The following ENOSF1 variants were observed in gnomAD, a reference collection of about 807,000 sequenced individuals.
The protein encoded by ENOSF1 is mitochondrial enolase superfamily member 1.
ENOSF1 carries 73 observed loss-of-function variants against 68.2 expected under a neutral mutation model. That is an observed-to-expected ratio of 1.07 (90% CI 0.89 to 1.30). ENOSF1 has a LOEUF of 1.30. ENOSF1 is among the 50% of genes most tolerant of loss of function. The pLI, the probability that ENOSF1 is intolerant of heterozygous loss-of-function variation, is 0.00. For synonymous variants in ENOSF1, 223 were observed against 210.4 expected (o/e 1.06, Z -0.52); for missense variants, 589 against 554.5 (o/e 1.06, Z -0.62).
At chr18:681,629 G>A (rs765998689) in intron 11 of ENOSF1, among the ~76,000 whole-genome samples, 11 of 152,134 alleles carry the variant, frequency 7.2e-5, no homozygotes, top group Admixed American at 3.9e-4. Context: ...GGCTGTGGTC[G>A]CTCCATGGCT....
intron 2 of ENOSF1, among the ~76,000 whole-genome samples, chr18:704,649 A>G (rs1051152344): frequency 4.6e-5 from 6 of 131,018 alleles, no homozygotes; most frequent in African/African-American, 1.5e-4. Flanking sequence ...TTTTTCACCC[A>G]GGCTGGAGTG....
Position 703,465 on chromosome 18 carries a change from C to T in ENOSF1, c.193+3005G>A, listed in dbSNP as rs559041156. On this transcript the variant is annotated intron_variant, in intron 2 of 15. Coordinates refer to ENST00000647584, the MANE Select transcript of ENOSF1 (RefSeq NM_017512.7). ...GGGTTTGCAGTATGGAGAAAGGCAG[C>T]GGCTTCATAAAGTACTCAACTTACA... Among the ~76,000 whole-genome samples the T allele has an allele frequency of 7.2e-5, 11 of 152,240 alleles. No homozygotes were observed. The South Asian group carries it at 8.3e-4, about 11-fold the overall frequency.
At chr18:664,944 A>G in the ENOSF1 span, among the ~76,000 whole-genome samples, 4 of 145,198 alleles carry the variant, frequency 2.8e-5, no homozygotes, top group Non-Finnish European at 4.5e-5. Flanking sequence ...GGAATTTTGC[A>G]TCAATGTTCA....
intron 12 of ENOSF1, 169 bp from the exon 13 acceptor site, chr18:678,041 T>C (rs988220443): frequency 1.4e-6 from 1 of 715,560 alleles, no homozygotes; most frequent in East Asian, 3.1e-5. Context: ...CGAGCTTTTA[T>C]AGCGTGGGCA....
downstream of ENOSF1, among the ~76,000 whole-genome samples, chr18:666,974 GAGA>G (rs1567989674): frequency 0.022 from 191 of 8,568 alleles, 7 homozygotes; most frequent in Non-Finnish European, 0.035. Context: ...GATGGTGATG[GAGA>G]TGGAGATGGT....
downstream of ENOSF1, chr18:669,104 A>G (rs1300447329): frequency 1.2e-6 from 2 of 1,614,230 alleles, no homozygotes; most frequent in Non-Finnish European, 1.7e-6. Context: ...CCAACTGCAA[A>G]GAGTGATTGA....
At chr18:685,026 ATT>A (rs11384156) in intron 10 of ENOSF1, among the ~76,000 whole-genome samples, 1 of 151,702 alleles carries the variant, frequency 6.6e-6, no homozygotes, top group South Asian at 2.1e-4. Flanking sequence ...CACCTGGTTA[ATT>A]TTTTTTCTTC....
At chr18:683,999 CT>C (rs56675684) in intron 10 of ENOSF1, among the ~76,000 whole-genome samples, 23,457 of 143,782 alleles carry the variant, frequency 0.16, 1,898 homozygotes, top group Admixed American at 0.24. Context: ...TTTTCTTTTT[CT>C]TTTTTTTTTT....
intron 12 of ENOSF1, chr18:678,476 A>G: frequency 1.9e-6 from 1 of 531,068 alleles, no homozygotes; most frequent in South Asian, 3.1e-5. Context: ...TTTGAAAAAG[A>G]TACCCGACCT....
At chr18:680,515 CCT>C (rs1275453429) in intron 11 of ENOSF1, among the ~76,000 whole-genome samples, 1 of 152,028 alleles carries the variant, frequency 6.6e-6, no homozygotes, top group East Asian at 1.9e-4. Context: ...CTGCCCTCTC[CCT>C]TTATCTCTCT....
intron 9 of ENOSF1, chr18:686,875 C>G (rs1043173828): frequency 1.3e-5 from 2 of 152,272 alleles, no homozygotes; most frequent in Non-Finnish European, 2.9e-5. Context: ...CTGTTCTCTT[C>G]TGTACCAGCT....
At chr18:690,495 A>C in intron 8 of ENOSF1, 54 bp downstream of exon 8, 3 of 1,599,168 alleles carry the variant, frequency 1.9e-6, no homozygotes, top group East Asian at 2.2e-5. Flanking sequence ...AGAAGGAAAA[A>C]CAGGTTGGTT....
chr18:675,413 G>A lies in ENOSF1; in HGVS notation c.1149-11C>T. The A allele has an allele frequency of 6.2e-7, 1 of 1,610,236 alleles. No homozygotes were observed. Among genetic ancestry groups the A allele is most frequent in the Non-Finnish European group, 8.5e-7 (1 of 1,178,168 alleles). On this transcript the variant is annotated splice_polypyrimidine_tract_variant and intron_variant, in intron 14 of 15. Coordinates refer to ENST00000647584, the MANE Select transcript of ENOSF1 (RefSeq NM_017512.7). The stretch of plus-strand genomic sequence containing the variant: ...ACATACTCACACACCCTAGGAGGAG[G>A]GAATCAGATCGGGGCAATGATGCCT...
chr18:696,155 GCTCTT>G (rs2077687780), intron 3 of ENOSF1, among the ~76,000 whole-genome samples: 1 of 148,444 alleles, frequency 6.7e-6, no homozygotes, highest in Admixed American at 6.7e-5. Flanking sequence ...TTTTAAATTT[GCTCTT>G]CTCTTAATGT....
In ENOSF1 at chr18:677,434, G is replaced by A. The variant is rs772819813; in HGVS notation, c.1059C>T (p.Cys353=). The A allele has an allele frequency of 2.5e-6, 4 of 1,612,500 alleles. No homozygotes were observed. Among genetic ancestry groups the A allele is most frequent in the African/African-American group, 1.3e-5 (1 of 74,794 alleles). ...AGAGGCCAACTCCACCAGCATGGGG[G>A]CAAACAGGAACTAAAAGGAAATCGT... The part of the protein sequence containing the change: ...LMAKKFEIPV[C]PHAGGVGLCE... The change falls in exon 14 of 16, where the codon TGC becomes TGT. Residue 353 remains cysteine, a synonymous_variant. Transcript: ENST00000647584.
chr18:676,403 T>TTC (rs35023498), intron 14 of ENOSF1, among the ~76,000 whole-genome samples: 51,995 of 151,888 alleles, frequency 0.34, 9,214 homozygotes, highest in Middle Eastern at 0.47. Flanking sequence ...CTTGGTGCTG[T>TTC]TCGAGATAGT....
Position 693,976 on chromosome 18 carries a change from C to T in ENOSF1, c.397-68G>A, listed in dbSNP as rs550840355. The T allele has an allele frequency of 7.9e-6, 12 of 1,511,404 alleles. No homozygotes were observed. The African/African-American group carries it at 1.5e-4, about 18-fold the overall frequency. The allele number at this position is 1,511,404 out of a possible 1,614,324, so 93.6% of individuals were successfully genotyped here. A position where few individuals can be genotyped will look rare whatever the true frequency, so the allele number is the denominator to read the frequency against. ...GTCCCCATTTTTTCCTGACAGTAAA[C>T]GCGTTGGCAGCTCTAATGCTGGCTG... On this transcript the variant is annotated intron_variant, in intron 4 of 15. Transcript: ENST00000647584.
In ENOSF1 at chr18:674,243, T is replaced by C. The variant is rs559976013; in HGVS notation, c.*62A>G. ...TTTTTTAAATCCATTTTTGTAAAACTATTTCCAAGAAATTTTAAGCCCTTT... is the reference window on the plus strand; with the variant it reads ...TTTTTTAAATCCATTTTTGTAAAACCATTTCCAAGAAATTTTAAGCCCTTT... On this transcript the variant is annotated 3_prime_UTR_variant, in exon 16 of 16. Transcript: ENST00000647584. 29 of 1,181,858 alleles carry C rather than the reference T, an allele frequency of 2.5e-5. No individual in the cohort carries two copies. Among genetic ancestry groups the C allele is most frequent in the Non-Finnish European group, 3.4e-5 (28 of 817,132 alleles). 73.2% of individuals were successfully genotyped at this position (1,181,858 alleles called of 1,614,324 possible).
intron 5 of ENOSF1, chr18:693,172 A>G: frequency 7.8e-7 from 1 of 1,288,884 alleles, no homozygotes; most frequent in Non-Finnish European, 1.0e-6. Context: ...CCAGTTGTTC[A>G]CCCCTGCTAT....
Sources: gnomAD v4.1 joint callset for allele counts (sites outside exome capture counted in the v4.1 genomes callset) on GRCh38, gnomAD v4.1.1 for gene constraint, MANE v1.5 for transcripts, NCBI Gene and HGNC (gene_info 2026-07-23, HGNC 2026-07-21) for gene names.